The following VTCN1 variants were observed in gnomAD, a reference collection of about 807,000 sequenced individuals.
The protein encoded by VTCN1 is V-set domain-containing T-cell activation inhibitor 1.
VTCN1 carries 26 observed loss-of-function variants against 26.5 expected under a neutral mutation model. The ratio of observed to expected loss-of-function variants is 0.98; its 90% CI spans 0.72 to 1.36. VTCN1 has a LOEUF of 1.36. Ranked by LOEUF, VTCN1 falls within the 40% of genes most tolerant of loss-of-function variation. The pLI is 0.00. For synonymous variants in VTCN1, 116 were observed against 130.7 expected (o/e 0.89, Z 0.77); for missense variants, 298 against 337.7 (o/e 0.88, Z 0.92).
chr1:117,156,986 C>T, intron 2 of VTCN1, 65 bp from the exon 3 acceptor site: 1 of 1,610,766 alleles, frequency 6.2e-7, no homozygotes. Flanking sequence ...CCAAACCCTT[C>T]ATTGCTGAAA....
intron 1 of VTCN1, among the ~76,000 whole-genome samples, chr1:117,202,999 A>G (rs561117125): frequency 6.2e-4 from 94 of 152,172 alleles, no homozygotes; most frequent in Non-Finnish European, 1.2e-3. Flanking sequence ...GGTGCAGAGG[A>G]GAGATTGATG....
In VTCN1 at chr1:117,144,251, C is replaced by T. The variant is rs1401618177; in HGVS notation, c.*1020G>A. On this transcript the variant is annotated 3_prime_UTR_variant, in exon 6 of 6. Transcript: ENST00000369458. ...GGATTGGGTAGTTGTAATGGGGAGA[C>T]GTCCTGTACATGGTAGGAGGTTGAG... The T allele has an allele frequency of 2.0e-5, 3 of 152,192 alleles. No individual in the cohort carries two copies. The highest frequency in any genetic ancestry group is 3.9e-4 in the East Asian group (2 of 5,192). 9.4% of individuals were successfully genotyped at this position (152,192 alleles called of 1,614,324 possible).
intron 1 of VTCN1, among the ~76,000 whole-genome samples, chr1:117,185,104 T>C (rs1321770976): frequency 6.6e-6 from 1 of 152,248 alleles, no homozygotes; most frequent in Non-Finnish European, 1.5e-5. Flanking sequence ...ATATTTATAA[T>C]GTTTCTTAGT....
intron 1 of VTCN1, among the ~76,000 whole-genome samples, chr1:117,189,253 G>T (rs1468368348): frequency 6.6e-6 from 1 of 152,048 alleles, no homozygotes; most frequent in East Asian, 1.9e-4. Flanking sequence ...CTACCCTGCT[G>T]CCTATTTTCT....
intron 1 of VTCN1, chr1:117,170,397 G>C (rs1243574506): frequency 1.9e-5 from 12 of 618,796 alleles, no homozygotes; most frequent in Non-Finnish European, 3.7e-5. Context: ...AGTGACCCTT[G>C]CCTCTGACTG....
At chr1:117,201,310 C>A (rs1449451342) in intron 1 of VTCN1, among the ~76,000 whole-genome samples, 5 of 152,126 alleles carry the variant, frequency 3.3e-5, no homozygotes, top group Non-Finnish European at 5.9e-5. Context: ...CAAGAGAATT[C>A]CTCTGTCCAG....
At chr1:117,206,074 G>A (rs890343613) in intron 1 of VTCN1, among the ~76,000 whole-genome samples, 1 of 151,952 alleles carries the variant, frequency 6.6e-6, no homozygotes, top group Admixed American at 6.6e-5. Flanking sequence ...CTAAATCCTA[G>A]CATCCTCAGG....
At chr1:117,168,026 C>G (rs576306788) in intron 2 of VTCN1, among the ~76,000 whole-genome samples, 1 of 151,544 alleles carries the variant, frequency 6.6e-6, no homozygotes, top group East Asian at 1.9e-4. Context: ...AAATTATGAA[C>G]AGGAAAAGAA....
chr1:117,180,667 C>T (rs1287971895), intron 1 of VTCN1, among the ~76,000 whole-genome samples: 1 of 152,232 alleles, frequency 6.6e-6, no homozygotes, highest in African/African-American at 2.4e-5. Context: ...CAGGGGTGCT[C>T]ACAGCACCTG....
At chr1:117,179,401 G>A (rs1647564369) in intron 1 of VTCN1, among the ~76,000 whole-genome samples, 1 of 152,236 alleles carries the variant, frequency 6.6e-6, no homozygotes, top group Non-Finnish European at 1.5e-5. Context: ...TTAATTTGAA[G>A]AAGACTAAAT....
chr1:117,159,882 T>C lies in VTCN1; in HGVS notation c.98-2961A>G, dbSNP rs1315545250. ...TTTTGGTTTAAAATGAAAGCCACCCTCTCCTCTACTGACATACCACCAGTA... is the reference window on the plus strand; with the variant it reads ...TTTTGGTTTAAAATGAAAGCCACCCCCTCCTCTACTGACATACCACCAGTA... On this transcript the variant is annotated intron_variant, in intron 2 of 5. Coordinates refer to ENST00000369458, the MANE Select transcript of VTCN1 (RefSeq NM_024626.4). This position sits in a 1 kb window ranked among gnomAD's most constrained non-coding sequence, Gnocchi z 4.7. Among the ~76,000 whole-genome samples, 1 of 152,206 alleles carries C rather than the reference T, an allele frequency of 6.6e-6. No homozygotes were observed. Among genetic ancestry groups the C allele is most frequent in the Non-Finnish European group, 1.5e-5 (1 of 68,038 alleles).
intron 2 of VTCN1, among the ~76,000 whole-genome samples, chr1:117,158,275 A>G (rs1039839117): frequency 2.6e-5 from 4 of 152,302 alleles, no homozygotes; most frequent in African/African-American, 9.6e-5. Flanking sequence ...GAAGTTCTCC[A>G]TGAGAGCCCC....
At chr1:117,162,137 A>T (rs1475584042) in intron 2 of VTCN1, among the ~76,000 whole-genome samples, 1 of 152,132 alleles carries the variant, frequency 6.6e-6, no homozygotes, top group Non-Finnish European at 1.5e-5. Flanking sequence ...AATGAGTGTA[A>T]TGTTGATTAA....
intron 1 of VTCN1, among the ~76,000 whole-genome samples, chr1:117,191,244 T>A (rs976159407): frequency 2.0e-5 from 3 of 151,856 alleles, no homozygotes; most frequent in African/African-American, 7.3e-5. Flanking sequence ...AGAAAAACAA[T>A]GAAAAATAGT....
intron 1 of VTCN1, among the ~76,000 whole-genome samples, chr1:117,174,236 T>G (rs1029547195): frequency 6.6e-6 from 1 of 152,208 alleles, no homozygotes; most frequent in African/African-American, 2.4e-5. Flanking sequence ...GTACTTTTGG[T>G]ACCCACTCAT....
At chr1:117,179,062 C>T (rs1165011852) in intron 1 of VTCN1, among the ~76,000 whole-genome samples, 1 of 152,186 alleles carries the variant, frequency 6.6e-6, no homozygotes, top group Non-Finnish European at 1.5e-5. Context: ...GACACTCATC[C>T]ATGCACATTT....
At chr1:117,199,050 C>T (rs1384536369) in intron 1 of VTCN1, among the ~76,000 whole-genome samples, 2 of 152,140 alleles carry the variant, frequency 1.3e-5, no homozygotes, top group Non-Finnish European at 2.9e-5. Context: ...GGGAGAAGGC[C>T]CTAGATGCTG....
intron 1 of VTCN1, among the ~76,000 whole-genome samples, chr1:117,200,210 C>T (rs1648724763): frequency 6.6e-6 from 1 of 152,040 alleles, no homozygotes; most frequent in South Asian, 2.1e-4. Flanking sequence ...TTGAGACCAA[C>T]CTGGACAACA....
rs113625980 is a variant in VTCN1, at chr1:117,161,354, T to C, written c.98-4433A>G. On this transcript the variant is annotated intron_variant, in intron 2 of 5. Transcript: ENST00000369458. This position sits in a 1 kb window ranked among gnomAD's most constrained non-coding sequence, Gnocchi z 4.3. ...ACACCAGTTATGCAAATTCTACTTA[T>C]ATTCAAAGTCCGTTCAGATGGCAGC... 2.6e-5 allele frequency among the ~76,000 whole-genome samples: 4 copies of C among 152,354 alleles called. No homozygotes were observed. The highest frequency in any genetic ancestry group is 4.1e-4 in the South Asian group (2 of 4,826).
Sources: allele counts gnomAD v4.1 joint callset (sites outside exome capture counted in the v4.1 genomes callset), GRCh38; gene constraint gnomAD v4.1.1; non-coding constraint Gnocchi (gnomAD v3.1); transcripts MANE v1.5; gene names NCBI Gene and HGNC (gene_info 2026-07-23, HGNC 2026-07-21).